TEX15: variants seen among roughly 807,000 people sequenced by gnomAD.
TEX15 encodes the protein testis-expressed protein 15.
TEX15 carries 171 observed loss-of-function variants against 237.3 expected under a neutral mutation model. That is an observed-to-expected ratio of 0.72 (90% CI 0.64 to 0.82). The LOEUF is 0.82. Among genes scored for constraint, TEX15 ranks in the 40% least tolerant of loss-of-function variants. The pLI is 0.00. For missense variants in TEX15, 3,750 were observed against 3,646.5 expected (o/e 1.03, Z -0.73); for synonymous variants, 1,338 against 1,269.8 (o/e 1.05, Z -1.14).
chr8:30,910,610 CTTTTTTT>C (rs796129316), intron 1 of TEX15, among the ~76,000 whole-genome samples: 9 of 97,910 alleles, frequency 9.2e-5, no homozygotes, highest in South Asian at 3.4e-4. Flanking sequence ...CACGCCTGGC[CTTTTTTT>C]TTTTTTTTTT....
chr8:30,844,312 AT>A lies in TEX15; in HGVS notation c.5854del (p.Ile1952PhefsTer2), dbSNP rs776679321. On this transcript the variant is annotated frameshift_variant, in exon 8 of 11. Transcript: ENST00000643185. LOFTEE classifies it high-confidence loss of function. The stretch of plus-strand genomic sequence containing the variant: ...AATAGGCGTATGATTAACTCCTAGA[AT>A]TCCTGGTTTGGAAATATAGGCTATT... ...SEIAYISKPG[I>X]LGVNHTPILP... The A allele has an allele frequency of 1.1e-5, 17 of 1,613,254 alleles. No individual in the cohort carries two copies. The highest frequency in any genetic ancestry group is 1.4e-5 in the Non-Finnish European group (17 of 1,179,544).
intron 4 of TEX15, among the ~76,000 whole-genome samples, 151 bp from the exon 5 acceptor site, chr8:30,867,653 A>G (rs1444567442): frequency 1.3e-5 from 2 of 152,070 alleles, no homozygotes; most frequent in Non-Finnish European, 2.9e-5. Flanking sequence ...TTGGTTGAAA[A>G]TCATCTTAGG....
At chr8:30,871,222 T>C (rs771443297) in intron 4 of TEX15, among the ~76,000 whole-genome samples, 2 of 152,086 alleles carry the variant, frequency 1.3e-5, no homozygotes, top group Non-Finnish European at 2.9e-5. Context: ...CTTTCTGCTA[T>C]GTAAGGTGAT....
intron 7 of TEX15, among the ~76,000 whole-genome samples, chr8:30,858,423 T>C (rs1304455632): frequency 6.6e-6 from 1 of 152,080 alleles, no homozygotes; most frequent in Non-Finnish European, 1.5e-5. Flanking sequence ...GTGATTCTCC[T>C]TCCTCAGCCA....
At chr8:30,867,160 G>T in intron 5 of TEX15, 105 bp downstream of exon 5, 6 of 426,062 alleles carry the variant, frequency 1.4e-5, no homozygotes, top group African/African-American at 4.0e-5. Context: ...TTATTTAATA[G>T]ACTGCAGTTT....
intron 10 of TEX15, among the ~76,000 whole-genome samples, chr8:30,834,028 T>C (rs939125036): frequency 1.3e-5 from 2 of 152,154 alleles, no homozygotes; most frequent in African/African-American, 4.8e-5. Flanking sequence ...AGATTTCCTA[T>C]CTCAGAAATT....
At chr8:30,906,402 G>A (rs2128779959) in intron 1 of TEX15, among the ~76,000 whole-genome samples, 1 of 151,922 alleles carries the variant, frequency 6.6e-6, no homozygotes, top group African/African-American at 2.4e-5. Flanking sequence ...TGGCTAACAT[G>A]GTGAAACCCC....
In TEX15 at chr8:30,909,394, A is replaced by ACCCCCC. The variant is rs35046956; in HGVS notation, c.-86+3479_-86+3484dup. Among the ~76,000 whole-genome samples the ACCCCCC allele has an allele frequency of 3.7e-3, 433 of 118,366 alleles. 3 individuals are homozygous for ACCCCCC. Among genetic ancestry groups the ACCCCCC allele is most frequent in the African/African-American group, 7.5e-3 (209 of 27,898 alleles). The allele number at this position is 118,366 out of a possible 152,430, so 77.7% of individuals were successfully genotyped here. On this transcript the variant is annotated intron_variant, in intron 1 of 10. Coordinates refer to ENST00000643185, the MANE Select transcript of TEX15 (RefSeq NM_001350162.2). ...TCTCAGCTGCTGTAATTAAAGACAG[A>ACCCCCC]CCCCCCCCCGCCCCCACTCCCCCCT...
Position 30,837,386 on chromosome 8 carries a change from C to A in TEX15, c.8898G>T (p.Met2966Ile), listed in dbSNP as rs865853771. The change falls in exon 10 of 11, where the codon ATG becomes ATT. Residue 2966 changes from methionine to isoleucine, a missense_variant. Physicochemically the swap from Met to Ile is conservative, Grantham distance 10. Transcript: ENST00000643185. ...PTETESEDKYMKDTLNPNTVH... is the reference protein window; with the variant it reads ...PTETESEDKYIKDTLNPNTVH... ...CAGTATTGGGATTCAATGTATCCTT[C>A]ATGTATTTGTCCTCTGACTCAGTTT... The A allele has an allele frequency of 5.0e-6, 8 of 1,614,068 alleles. No homozygotes were observed. Among genetic ancestry groups the A allele is most frequent in the Non-Finnish European group, 6.8e-6 (8 of 1,179,964 alleles).
rs1280397801 is a variant in TEX15, at chr8:30,847,749, G to C, written c.2418C>G (p.Val806=). Residue 806 remains valine, a synonymous_variant, in exon 8 of 11, where the codon GTC becomes GTG. Coordinates refer to ENST00000643185, the MANE Select transcript of TEX15 (RefSeq NM_001350162.2). ...NCSITREHIC[V]HRKNENEPVS... is the part of the protein sequence containing the mutation. ...CTGGTTCATTTTCATTTTTCCTATG[G>C]ACACATATATGTTCTCTAGTTATGC... The C allele has an allele frequency of 6.2e-7, 1 of 1,613,418 alleles. No homozygotes were observed. Among genetic ancestry groups the C allele is most frequent in the African/African-American group, 1.3e-5 (1 of 74,862 alleles).
At chr8:30,857,701 T>C (rs1807941072) in intron 7 of TEX15, among the ~76,000 whole-genome samples, 1 of 152,074 alleles carries the variant, frequency 6.6e-6, no homozygotes, top group African/African-American at 2.4e-5. Flanking sequence ...AAAAGTAAAA[T>C]ACAAAAGCAA....
intron 10 of TEX15, 128 bp downstream of exon 10, chr8:30,836,675 A>G: frequency 2.3e-6 from 2 of 879,880 alleles, no homozygotes; most frequent in South Asian, 3.7e-5. Context: ...GCAATTCTAC[A>G]AATCTGTACA....
chr8:30,846,503 C>G lies in TEX15; in HGVS notation c.3664G>C (p.Val1222Leu). 5.6e-6 allele frequency: 9 copies of G among 1,613,592 alleles called. No individual in the cohort carries two copies. Among genetic ancestry groups the G allele is most frequent in the Non-Finnish European group, 7.6e-6 (9 of 1,179,736 alleles). The change falls in exon 8 of 11, where the codon GTT becomes CTT. Residue 1222 changes from valine (V) to leucine (L), a missense_variant. Val to Leu is a conservative substitution (Grantham distance 32, BLOSUM62 1). Transcript: ENST00000643185. ...CCTGATTCTTGCCTTATATTATCAA[C>G]TTTATCTTCACATGGATAATCTGCA... Reference protein sequence around the residue: ...ENADYPCEDKVDNIRQESGPV... With the variant: ...ENADYPCEDKLDNIRQESGPV...
intron 3 of TEX15, among the ~76,000 whole-genome samples, chr8:30,884,044 T>C (rs1563268814): frequency 6.6e-6 from 1 of 152,184 alleles, no homozygotes; most frequent in Admixed American, 6.5e-5. Context: ...CACAGGCTGA[T>C]TTTTAAATCT....
chr8:30,907,520 T>G (rs1018193768), intron 1 of TEX15, among the ~76,000 whole-genome samples: 4 of 146,342 alleles, frequency 2.7e-5, no homozygotes, highest in African/African-American at 9.9e-5. Flanking sequence ...ATACAAAATG[T>G]ATATACAAAT....
Position 30,837,702 on chromosome 8 carries a change from T to TAA in TEX15, c.8581_8582insTT (p.Gln2861LeufsTer20). ...ATCTGGGGAATTTTTAAGAAATTTC[T>TAA]GCAAAAGCGTCCCATGGTCTGGTGA... On this transcript the variant is annotated frameshift_variant, in exon 10 of 11. Coordinates refer to ENST00000643185, the MANE Select transcript of TEX15 (RefSeq NM_001350162.2). LOFTEE classifies it high-confidence loss of function. 1.2e-6 allele frequency: 2 copies of TAA among 1,613,988 alleles called. No individual in the cohort carries two copies. Among genetic ancestry groups the TAA allele is most frequent in the Admixed American group, 1.7e-5 (1 of 59,996 alleles).
In TEX15 at chr8:30,832,687, T is replaced by C. The variant is rs927145542; in HGVS notation, c.*599A>G. On this transcript the variant is annotated 3_prime_UTR_variant, in exon 11 of 11. Coordinates refer to ENST00000643185, the MANE Select transcript of TEX15 (RefSeq NM_001350162.2). ...CAAAATAATCTTCTGGAAATGGCTC[T>C]TGTAGAAAAAGGCATTGAAAGTGCT... is the stretch of plus-strand genomic sequence containing the variant. 1 of 152,202 alleles carries C rather than the reference T, an allele frequency of 6.6e-6. No homozygotes were observed. Among genetic ancestry groups the C allele is most frequent in the African/African-American group, 2.4e-5 (1 of 41,464 alleles). The allele number at this position is 152,202 out of a possible 1,614,324, so 9.4% of individuals were successfully genotyped here.
chr8:30,843,512 TC>T lies in TEX15; in HGVS notation c.6654del (p.Ile2219SerfsTer24), dbSNP rs755552745. 21 of 1,613,140 alleles carry T rather than the reference TC, an allele frequency of 1.3e-5. 1 individual carries two copies. The Admixed American group carries it at 3.0e-4, about 23-fold the overall frequency. Reference protein sequence around the residue: ...LEILRKSTLKLINVCGDSPKV... With the variant: ...LEILRKSTLKXINVCGDSPKV... ...TTAGGAGAGTCCCCACATACATTGA[TC>T]AACTTTAAAGTACTTTTTCTTAAGA... On this transcript the variant is annotated frameshift_variant, in exon 8 of 11. Coordinates refer to ENST00000643185, the MANE Select transcript of TEX15 (RefSeq NM_001350162.2). LOFTEE classifies it high-confidence loss of function.
Position 30,845,523 on chromosome 8 carries a change from C to A in TEX15, c.4644G>T (p.Gln1548His). Reference sequence around the variant, plus strand: ...GATATGCAGTTTTTCCAGAAAAGGGCTGATGTTCTTCTGATAAACTTGGAT... The same window carrying A: ...GATATGCAGTTTTTCCAGAAAAGGGATGATGTTCTTCTGATAAACTTGGAT... ...VSNPSLSEEH[Q>H]PFSGKTAYLF... The change falls in exon 8 of 11, where the codon CAG (glutamine) becomes CAT (histidine). Residue 1548 changes from glutamine to histidine, a missense_variant. By Grantham distance (24) the Gln-to-His change is conservative. Transcript: ENST00000643185. The A allele has an allele frequency of 6.2e-7, 1 of 1,613,578 alleles. No homozygotes were observed. The highest frequency in any genetic ancestry group is 1.3e-5 in the African/African-American group (1 of 75,008).
Sources: gnomAD v4.1 joint callset for allele counts (sites outside exome capture counted in the v4.1 genomes callset) on GRCh38, gnomAD v4.1.1 for gene constraint, MANE v1.5 for transcripts, NCBI Gene and HGNC (gene_info 2026-07-23, HGNC 2026-07-21) for gene names.